The following SRBD1 variants were observed in gnomAD, a reference collection of about 807,000 sequenced individuals.
SRBD1 encodes the protein S1 RNA-binding domain-containing protein 1.
In SRBD1, 88 loss-of-function variants were observed where a neutral mutation model predicts 115.3. The observed-to-expected ratio is 0.76, with a 90% CI of 0.64 to 0.91. The LOEUF is 0.91. Among genes scored for constraint, SRBD1 ranks in the 40% least tolerant of loss-of-function variants. The pLI is 0.00. For missense variants in SRBD1, 1,385 were observed against 1,177.4 expected (o/e 1.18, Z -2.58); for synonymous variants, 509 against 407.7 (o/e 1.25, Z -2.99).
intron 11 of SRBD1, 117 bp downstream of exon 11, chr2:45,553,506 C>T: frequency 1.8e-6 from 1 of 560,892 alleles, no homozygotes; most frequent in South Asian, 4.4e-5. Context: ...CTTTGTGATG[C>T]TGACTAAATT....
chr2:45,571,053 G>C (rs1463792244), intron 9 of SRBD1, among the ~76,000 whole-genome samples: 1 of 152,120 alleles, frequency 6.6e-6, no homozygotes, highest in East Asian at 1.9e-4. Flanking sequence ...AAATTCCTGG[G>C]CATGCTGAGG....
At chr2:45,501,976 C>T (rs552149096) in intron 14 of SRBD1, among the ~76,000 whole-genome samples, 22 of 152,162 alleles carry the variant, frequency 1.4e-4, no homozygotes, top group African/African-American at 4.1e-4. Context: ...GATCTGAGAA[C>T]GGACAGACTG....
intron 9 of SRBD1, among the ~76,000 whole-genome samples, chr2:45,564,308 G>T (rs1419395750): frequency 3.3e-5 from 5 of 152,156 alleles, no homozygotes; most frequent in Non-Finnish European, 5.9e-5. Context: ...ATATGAGAAA[G>T]GGCTTGTGCA....
At chr2:45,492,369 A>T (rs1670323327) in intron 14 of SRBD1, among the ~76,000 whole-genome samples, 3 of 152,184 alleles carry the variant, frequency 2.0e-5, no homozygotes, top group Admixed American at 1.3e-4. Context: ...TATTATCATT[A>T]TTATATTTTG....
intron 9 of SRBD1, among the ~76,000 whole-genome samples, chr2:45,567,128 A>C (rs1672853675): frequency 6.6e-6 from 1 of 152,210 alleles, no homozygotes; most frequent in Non-Finnish European, 1.5e-5. Flanking sequence ...TGTTGAAAAG[A>C]ATGTCAAAAG....
intron 3 of SRBD1, 119 bp downstream of exon 3, chr2:45,601,784 A>G (rs1412644544): frequency 1.2e-5 from 15 of 1,285,170 alleles, no homozygotes; most frequent in Non-Finnish European, 1.6e-5. Flanking sequence ...AGGGTAGGGG[A>G]TGCCATTGCT....
intron 4 of SRBD1, among the ~76,000 whole-genome samples, chr2:45,591,053 G>C (rs1673706801): frequency 6.6e-6 from 1 of 151,442 alleles, no homozygotes; most frequent in Non-Finnish European, 1.5e-5. Context: ...AAATTACCCA[G>C]TCTCAGGTAT....
chr2:45,462,630 G>C (rs1489454739), intron 16 of SRBD1, among the ~76,000 whole-genome samples: 1 of 151,100 alleles, frequency 6.6e-6, no homozygotes, highest in Non-Finnish European at 1.5e-5. Context: ...TGGCCAACAT[G>C]GTGAAACCCC....
intron 14 of SRBD1, among the ~76,000 whole-genome samples, chr2:45,495,428 C>T (rs985814359): frequency 2.0e-5 from 3 of 152,270 alleles, no homozygotes; most frequent in South Asian, 2.1e-4. Flanking sequence ...CAAAGAATGG[C>T]GTAAGCAGAA....
chr2:45,410,539 G>C (rs1558559778), intron 19 of SRBD1, among the ~76,000 whole-genome samples: 1 of 152,208 alleles, frequency 6.6e-6, no homozygotes, highest in East Asian at 1.9e-4. Context: ...CCTGCAAAAA[G>C]CTCCTAAAAC....
At chr2:45,541,130 C>T (rs1671921879) in intron 14 of SRBD1, among the ~76,000 whole-genome samples, 1 of 152,220 alleles carries the variant, frequency 6.6e-6, no homozygotes, top group Admixed American at 6.5e-5. Flanking sequence ...AGGGTCCGGC[C>T]ACTGTGCAGA....
chr2:45,468,157 A>G (rs1008458680), intron 16 of SRBD1, among the ~76,000 whole-genome samples: 1 of 151,988 alleles, frequency 6.6e-6, no homozygotes, highest in Non-Finnish European at 1.5e-5. Context: ...TATATTTCAT[A>G]TTTTTAAATT....
intron 14 of SRBD1, among the ~76,000 whole-genome samples, chr2:45,496,898 C>A (rs1384475010): frequency 6.6e-6 from 1 of 152,098 alleles, no homozygotes; most frequent in Admixed American, 6.5e-5. Flanking sequence ...TTTCTGTTGG[C>A]CACCCAGCTA....
intron 9 of SRBD1, among the ~76,000 whole-genome samples, chr2:45,564,846 G>T (rs1672777623): frequency 6.6e-6 from 1 of 152,136 alleles, no homozygotes; most frequent in Non-Finnish European, 1.5e-5. Context: ...ATATACATGG[G>T]TTCTGCAGGG....
At chr2:45,599,322 A>G in intron 4 of SRBD1, 127 bp downstream of exon 4, 2 of 1,343,970 alleles carry the variant, frequency 1.5e-6, no homozygotes, top group East Asian at 2.3e-5. Context: ...AAGCCTCCAG[A>G]AATCACTGGC....
At chr2:45,422,025 G>C (rs978038712) in intron 16 of SRBD1, among the ~76,000 whole-genome samples, 1 of 152,104 alleles carries the variant, frequency 6.6e-6, no homozygotes, top group Non-Finnish European at 1.5e-5. Flanking sequence ...AATGAAAAGG[G>C]AACTTTTTAA....
intron 16 of SRBD1, among the ~76,000 whole-genome samples, chr2:45,423,322 G>T (rs887048624): frequency 1.3e-5 from 2 of 152,150 alleles, no homozygotes; most frequent in Non-Finnish European, 1.5e-5. Context: ...GATATGCAAG[G>T]CAAGGCAGTT....
chr2:45,600,624 C>T (rs1011522713), intron 3 of SRBD1, among the ~76,000 whole-genome samples: 2 of 152,174 alleles, frequency 1.3e-5, no homozygotes, highest in Admixed American at 6.5e-5. Flanking sequence ...GCAGCCCACA[C>T]AGGTGTCTAG....
At chr2:45,445,550 TAA>T (rs59451865) in intron 16 of SRBD1, among the ~76,000 whole-genome samples, 25 of 37,036 alleles carry the variant, frequency 6.8e-4, no homozygotes, top group South Asian at 6.5e-3. Context: ...TTCCCAGAGG[TAA>T]AAAAAAAAAA....
Sources: gnomAD v4.1 joint callset for allele counts (sites outside exome capture counted in the v4.1 genomes callset) on GRCh38, gnomAD v4.1.1 for gene constraint, MANE v1.5 for transcripts, NCBI Gene and HGNC (gene_info 2026-07-23, HGNC 2026-07-21) for gene names.